Variants in MTHFD1L observed in about 807,000 individuals in gnomAD.
MTHFD1L encodes monofunctional C1-tetrahydrofolate synthase, mitochondrial.
MTHFD1L carries 81 observed loss-of-function variants against 119.5 expected under a neutral mutation model. The ratio of observed to expected loss-of-function variants is 0.68; its 90% CI spans 0.57 to 0.82. The LOEUF is 0.82. MTHFD1L is among the 40% of genes least tolerant of loss of function. The probability of loss-of-function intolerance (pLI) is 0.00; values close to 1 mark genes in which losing one functional copy is unlikely to be tolerated. For missense variants in MTHFD1L, 1,125 were observed against 1,253.4 expected, an observed-to-expected ratio of 0.90 and a Z score of 1.55; for synonymous variants, 430 against 475.2, an observed-to-expected ratio of 0.90 and a Z score of 1.24.
chr6:151,012,000 TCAA>T (rs773521876), intron 21 of MTHFD1L, among the ~76,000 whole-genome samples: 9 of 63,746 alleles, frequency 1.4e-4, no homozygotes, highest in East Asian at 8.3e-4. Context: ...AAAGTCCATC[TCAA>T]CAACAACAAC....
In MTHFD1L at chr6:150,922,200, T is replaced by C. The variant is rs772111538; in HGVS notation, c.985-5T>C. On this transcript the variant is annotated splice_polypyrimidine_tract_variant and splice_region_variant and intron_variant, in intron 9 of 27. Coordinates refer to ENST00000367321, the MANE Select transcript of MTHFD1L (RefSeq NM_015440.5). ...AACATGTTTTCCCCTCTATCCCTGC[T>C]GAAGAACATGGTCAGTAGTGGAAGG... The C allele has an allele frequency of 6.2e-7, 1 of 1,612,084 alleles. No homozygotes were observed. The highest frequency in any genetic ancestry group is 8.5e-7 in the Non-Finnish European group (1 of 1,178,224).
At chr6:151,100,897 AC>A (rs1458805188) in intron 27 of MTHFD1L, among the ~76,000 whole-genome samples, 2 of 152,084 alleles carry the variant, frequency 1.3e-5, no homozygotes, top group African/African-American at 2.4e-5. Flanking sequence ...GGTGGTTCAT[AC>A]CTGTAATCCC....
intron 24 of MTHFD1L, among the ~76,000 whole-genome samples, chr6:151,024,922 C>T (rs796400818): frequency 1.4e-4 from 21 of 152,262 alleles, no homozygotes; most frequent in African/African-American, 4.6e-4. Flanking sequence ...TTCCTGGGCC[C>T]AGCAGAGTGC....
chr6:151,021,094 A>G (rs1783882263), intron 24 of MTHFD1L, among the ~76,000 whole-genome samples: 1 of 152,190 alleles, frequency 6.6e-6, no homozygotes, highest in Non-Finnish European at 1.5e-5. Context: ...TTAAACCTTG[A>G]GTAGGCCTCC....
intron 9 of MTHFD1L, among the ~76,000 whole-genome samples, chr6:150,920,939 A>ATTT (rs869169480): frequency 8.3e-5 from 8 of 96,872 alleles, no homozygotes; most frequent in Non-Finnish European, 1.4e-4. Flanking sequence ...CACCCAGATA[A>ATTT]TTTTTTTTTT....
At chr6:151,024,908 A>G (rs1784420299) in intron 24 of MTHFD1L, among the ~76,000 whole-genome samples, 1 of 152,104 alleles carries the variant, frequency 6.6e-6, no homozygotes, top group Admixed American at 6.5e-5. Context: ...ACTGTACATG[A>G]GTGTTCCTGG....
chr6:150,976,024 C>T (rs1478080190), intron 20 of MTHFD1L, among the ~76,000 whole-genome samples: 2 of 152,130 alleles, frequency 1.3e-5, no homozygotes, highest in African/African-American at 2.4e-5. Flanking sequence ...ATGGTGAAAC[C>T]CCGTCTCTAC....
chr6:150,882,578 A>G (rs1781548828), intron 4 of MTHFD1L, among the ~76,000 whole-genome samples, 184 bp from the exon 5 acceptor site: 1 of 152,170 alleles, frequency 6.6e-6, no homozygotes, highest in Non-Finnish European at 1.5e-5. Flanking sequence ...AGCCTTGTAC[A>G]CATGATGAAA....
intron 26 of MTHFD1L, among the ~76,000 whole-genome samples, chr6:151,060,363 T>C (rs1790472047): frequency 6.6e-6 from 1 of 152,184 alleles, no homozygotes; most frequent in Non-Finnish European, 1.5e-5. Flanking sequence ...TTAATATTTA[T>C]TGAGGAGTGC....
At chr6:150,875,038 G>A (rs983263025) in intron 1 of MTHFD1L, among the ~76,000 whole-genome samples, 7 of 150,594 alleles carry the variant, frequency 4.6e-5, no homozygotes, top group African/African-American at 9.8e-5. Flanking sequence ...GTGAGCCACC[G>A]CTCCTGGACT....
At chr6:150,967,341 T>TC (rs1466163862) in intron 19 of MTHFD1L, among the ~76,000 whole-genome samples, 1 of 151,864 alleles carries the variant, frequency 6.6e-6, no homozygotes, top group East Asian at 1.9e-4. Flanking sequence ...GCGTCTGGGG[T>TC]CCCCCCCTCC....
At chr6:150,910,258 G>A (rs1786639051) in intron 8 of MTHFD1L, among the ~76,000 whole-genome samples, 1 of 151,798 alleles carries the variant, frequency 6.6e-6, no homozygotes, top group Admixed American at 6.6e-5. Flanking sequence ...GGACAAGGGA[G>A]CTGTTTTTGT....
At chr6:150,905,253 C>T (rs1785714526) in intron 7 of MTHFD1L, among the ~76,000 whole-genome samples, 1 of 151,898 alleles carries the variant, frequency 6.6e-6, no homozygotes, top group Non-Finnish European at 1.5e-5. Context: ...AGTCTGGTCT[C>T]GAACTCCTGA....
intron 16 of MTHFD1L, among the ~76,000 whole-genome samples, chr6:150,950,921 A>T (rs2128974944): frequency 6.6e-6 from 1 of 152,068 alleles, no homozygotes; most frequent in East Asian, 1.9e-4. Flanking sequence ...CGCCCACCTC[A>T]GCCTCCCAAA....
In MTHFD1L at chr6:150,866,028, C is replaced by A; in HGVS notation, c.206C>A (p.Ala69Glu). 1 of 1,412,502 alleles carries A rather than the reference C, an allele frequency of 7.1e-7. No homozygotes were observed. The highest frequency in any genetic ancestry group is 9.2e-7 in the Non-Finnish European group (1 of 1,088,246). The allele number at this position is 1,412,502 out of a possible 1,614,324, so 87.5% of individuals were successfully genotyped here. A position where few individuals can be genotyped will look rare whatever the true frequency, so the allele number is the denominator to read the frequency against. The change falls in exon 1 of 28, where the codon GCG (alanine) becomes GAG (glutamate). Residue 69 changes from alanine to glutamate, a missense_variant. Transcript: ENST00000367321. ...TGCAGCCCCGGCGGCCGAACGCCCGCGGCGCGGGACTCCATCGTCAGGTGA... is the reference window on the plus strand; with the variant it reads ...TGCAGCCCCGGCGGCCGAACGCCCGAGGCGCGGGACTCCATCGTCAGGTGA... ...SSCSPGGRTP[A>E]ARDSIVREVI...
intron 8 of MTHFD1L, among the ~76,000 whole-genome samples, chr6:150,916,292 CTTTTTT>C (rs71554488): frequency 2.5e-5 from 1 of 39,986 alleles, no homozygotes; most frequent in African/African-American, 9.8e-5. Context: ...AAGGTAGAAT[CTTTTTT>C]TTTTTTTTTT....
At chr6:150,931,972 G>A (rs931169335) in intron 11 of MTHFD1L, among the ~76,000 whole-genome samples, 2 of 151,930 alleles carry the variant, frequency 1.3e-5, no homozygotes, top group Non-Finnish European at 2.9e-5. Context: ...GACCAGCCTG[G>A]CCAACATGGT....
chr6:151,093,160 G>T (rs1234021411), intron 27 of MTHFD1L, among the ~76,000 whole-genome samples: 2 of 152,132 alleles, frequency 1.3e-5, no homozygotes, highest in African/African-American at 2.4e-5. Context: ...ACTCTGGGTG[G>T]AATCCTTGCT....
intron 20 of MTHFD1L, among the ~76,000 whole-genome samples, chr6:151,004,933 C>T (rs1055027058): frequency 2.6e-5 from 4 of 152,162 alleles, no homozygotes; most frequent in African/African-American, 7.2e-5. Flanking sequence ...CAGAAGTCTA[C>T]GTGATATGCC....
Sources: gnomAD v4.1 joint callset for allele counts (sites outside exome capture counted in the v4.1 genomes callset) on GRCh38, gnomAD v4.1.1 for gene constraint, MANE v1.5 for transcripts, NCBI Gene and HGNC (gene_info 2026-07-23, HGNC 2026-07-21) for gene names.